The following ITPR1 variants were observed in gnomAD, a reference collection of about 807,000 sequenced individuals.
ITPR1 encodes the protein inositol 1,4,5-trisphosphate receptor type 1, also known as inositol 1,4,5-trisphosphate-gated calcium channel ITPR1.
ITPR1 carries 96 observed loss-of-function variants against 318.4 expected under a neutral mutation model. The ratio of observed to expected loss-of-function variants is 0.30; its 90% confidence interval spans 0.26 to 0.36. The LOEUF is 0.36. Ranked by LOEUF, ITPR1 falls within the 10% of genes least tolerant of loss-of-function variation. The pLI, the probability that ITPR1 is intolerant of heterozygous loss-of-function variation, is 1.00. For synonymous variants in ITPR1, 1,312 were observed against 1,289.9 expected (o/e 1.02, Z -0.37); for missense variants, 2,440 against 3,460.2 (o/e 0.71, Z 7.40).
Position 4,788,140 on chromosome 3 carries a change from G to A in ITPR1, c.6808+1G>A. ...ATGAATTGGCAGAAGAAACTGAGAGGTGGGTTCCAACGCATCAGCAACAAC... is the reference window on the plus strand; with the variant it reads ...ATGAATTGGCAGAAGAAACTGAGAGATGGGTTCCAACGCATCAGCAACAAC... On this transcript the variant is annotated splice_donor_variant, in intron 52 of 61. Transcript: ENST00000649015. LOFTEE classifies it high-confidence loss of function. 1 of 1,597,138 alleles carries A rather than the reference G, an allele frequency of 6.3e-7. No homozygotes were observed. The highest frequency in any genetic ancestry group is 1.1e-5 in the South Asian group (1 of 87,846).
chr3:4,615,125 TCA>T (rs1186401689), intron 4 of ITPR1, among the ~76,000 whole-genome samples: 1 of 152,184 alleles, frequency 6.6e-6, no homozygotes, highest in Non-Finnish European at 1.5e-5. Context: ...GCTGCCTCTG[TCA>T]CAGTGACCCC....
At chr3:4,565,739 A>G (rs919671970) in intron 4 of ITPR1, among the ~76,000 whole-genome samples, 1 of 152,250 alleles carries the variant, frequency 6.6e-6, no homozygotes, top group Non-Finnish European at 1.5e-5. Flanking sequence ...CTCTATGCTA[A>G]GTGGAAATGT....
chr3:4,618,548 A>G (rs1407632472), intron 4 of ITPR1, among the ~76,000 whole-genome samples: 1 of 152,218 alleles, frequency 6.6e-6, no homozygotes, highest in Non-Finnish European at 1.5e-5. Flanking sequence ...CCAAAGACAT[A>G]TTGGAATTTT....
chr3:4,623,533 G>A (rs1042768301), intron 4 of ITPR1, among the ~76,000 whole-genome samples: 2 of 152,268 alleles, frequency 1.3e-5, no homozygotes, highest in East Asian at 1.9e-4. Flanking sequence ...GTACACACAT[G>A]TGTTCTCCTT....
chr3:4,752,795 G>A (rs1217542766), intron 44 of ITPR1, among the ~76,000 whole-genome samples: 1 of 152,166 alleles, frequency 6.6e-6, no homozygotes, highest in Admixed American at 6.5e-5. Context: ...CACCACAGCC[G>A]GCTTAATATA....
At chr3:4,588,456 TCTCTGCTGGTTCTCCAGAACTTC>T (rs1378891868) in intron 4 of ITPR1, among the ~76,000 whole-genome samples, 2 of 152,240 alleles carry the variant, frequency 1.3e-5, no homozygotes, top group African/African-American at 4.8e-5. Flanking sequence ...CAGACACAGT[TCTCTGCTGGTTCTCCAGAACTTC>T]CTCTGCTGTT....
intron 44 of ITPR1, among the ~76,000 whole-genome samples, chr3:4,742,941 A>G (rs2043815388): frequency 6.6e-6 from 1 of 152,334 alleles, no homozygotes; most frequent in Middle Eastern, 3.4e-3. Flanking sequence ...TTCTGACTGT[A>G]TATTAAAAAT....
intron 60 of ITPR1, among the ~76,000 whole-genome samples, chr3:4,821,359 A>G (rs1443279120): frequency 2.0e-5 from 3 of 152,236 alleles, no homozygotes; most frequent in Non-Finnish European, 4.4e-5. Context: ...AGCTGCCAAA[A>G]GGCAACCCAA....
At position 4,664,146 on chromosome 3, in the gene ITPR1, A is replaced by G. The variant is rs75671955; in HGVS notation, c.1554+940A>G. 2.9e-4 allele frequency among the ~76,000 whole-genome samples: 44 copies of G among 152,352 alleles called. No homozygotes were observed. In the East Asian group the frequency reaches 6.4e-3, roughly 22 times the overall value. ...ATTTCATACATTTGGGAGATTTGGC[A>G]TATTCTATAAACTCAGAAGGCCCAT... On this transcript the variant is annotated intron_variant, in intron 16 of 61. Transcript: ENST00000649015.
chr3:4,743,091 C>G (rs1285939340), intron 44 of ITPR1, among the ~76,000 whole-genome samples: 3 of 152,272 alleles, frequency 2.0e-5, no homozygotes, highest in African/African-American at 7.2e-5. Flanking sequence ...AAACAGCAAT[C>G]TAGTCACTTC....
At chr3:4,772,946 G>C (rs968278769) in intron 46 of ITPR1, among the ~76,000 whole-genome samples, 3 of 152,224 alleles carry the variant, frequency 2.0e-5, no homozygotes, top group Non-Finnish European at 2.9e-5. Context: ...AGCTAGCCTT[G>C]AGGACTTCCC....
intron 30 of ITPR1, among the ~76,000 whole-genome samples, chr3:4,687,562 G>T (rs2094415484): frequency 6.6e-6 from 1 of 152,170 alleles, no homozygotes; most frequent in Admixed American, 6.5e-5. Context: ...TGGCTGTGAA[G>T]ACTTAGGAAG....
At chr3:4,642,047 A>G in intron 6 of ITPR1, 46 bp from the exon 7 acceptor site, 1 of 1,466,292 alleles carries the variant, frequency 6.8e-7, no homozygotes, top group Non-Finnish European at 9.1e-7. Context: ...ATGGTAGAAA[A>G]TTCAGATTTG....
chr3:4,547,795 G>A (rs1332697124), intron 4 of ITPR1, among the ~76,000 whole-genome samples: 1 of 152,142 alleles, frequency 6.6e-6, no homozygotes, highest in Non-Finnish European at 1.5e-5. Flanking sequence ...AACCACCCTT[G>A]CCCTTCCCTC....
chr3:4,643,340 C>T (rs547304195), intron 7 of ITPR1, among the ~76,000 whole-genome samples: 1 of 152,286 alleles, frequency 6.6e-6, no homozygotes, highest in Admixed American at 6.5e-5. Flanking sequence ...AAATAAAAGA[C>T]AAGTGTGCCT....
chr3:4,763,282 A>G (rs1442226269), intron 44 of ITPR1, among the ~76,000 whole-genome samples: 1 of 152,154 alleles, frequency 6.6e-6, no homozygotes, highest in African/African-American at 2.4e-5. Flanking sequence ...GGGTGGGTTG[A>G]CAGGTGCAGC....
intron 4 of ITPR1, among the ~76,000 whole-genome samples, chr3:4,620,228 C>A (rs908435140): frequency 6.6e-6 from 1 of 152,168 alleles, no homozygotes; most frequent in Non-Finnish European, 1.5e-5. Flanking sequence ...TACTTAGTCA[C>A]TTTACTTCTA....
intron 4 of ITPR1, among the ~76,000 whole-genome samples, chr3:4,594,158 T>C (rs1186556800): frequency 6.6e-6 from 1 of 152,146 alleles, no homozygotes; most frequent in Admixed American, 6.5e-5. Flanking sequence ...TCTCCATCCT[T>C]TCCCACCTTC....
chr3:4,660,647 A>T (rs901419986), intron 13 of ITPR1, among the ~76,000 whole-genome samples: 18 of 151,978 alleles, frequency 1.2e-4, no homozygotes, highest in African/African-American at 4.4e-4. Context: ...TTGCTGTATT[A>T]TTATTTCTTG....
Sources: allele counts gnomAD v4.1 joint callset (sites outside exome capture counted in the v4.1 genomes callset), GRCh38; gene constraint gnomAD v4.1.1; transcripts MANE v1.5; gene names NCBI Gene and HGNC (gene_info 2026-07-23, HGNC 2026-07-21).